DHPS: variants seen among roughly 807,000 people sequenced by gnomAD.
DHPS encodes deoxyhypusine synthase.
In DHPS, 24 loss-of-function variants were observed where a neutral mutation model predicts 38.7. The observed-to-expected ratio is 0.62, with a 90% CI of 0.45 to 0.87. The LOEUF (loss-of-function observed/expected upper bound fraction) is 0.87, where lower values mean the gene tolerates loss of function less well. Among genes scored for constraint, DHPS ranks in the 40% least tolerant of loss-of-function variants. DHPS has a pLI of 0.00. For missense variants in DHPS, 510 were observed against 497.6 expected, an observed-to-expected ratio of 1.02 and a Z score of -0.24; for synonymous variants, 250 against 204.4, an observed-to-expected ratio of 1.22 and a Z score of -1.90.
rs1364254523 is a variant in DHPS at position 12,675,944 on chromosome 19, G to A, written c.1015-11C>T. 3 of 1,603,000 alleles carry A rather than the reference G, an allele frequency of 1.9e-6. No homozygotes were observed. The highest frequency in any genetic ancestry group is 1.3e-5 in the African/African-American group (1 of 74,758). On this transcript the variant is annotated splice_polypyrimidine_tract_variant and intron_variant, in intron 8 of 8. Transcript: ENST00000210060. ...GGCGTCAGCATAGACCTGGGTAGGGGGGAACCTGGGTAAGCCATGGGACCC... is the reference window on the plus strand; with the variant it reads ...GGCGTCAGCATAGACCTGGGTAGGGAGGAACCTGGGTAAGCCATGGGACCC...
Position 12,681,839 on chromosome 19 carries a change from C to G in DHPS, c.-73G>C. 1.5e-6 allele frequency: 2 copies of G among 1,344,834 alleles called. No individual in the cohort carries two copies. The highest frequency in any genetic ancestry group is 1.2e-5 in the South Asian group (1 of 82,804). 83.3% of individuals were successfully genotyped at this position (1,344,834 alleles called of 1,614,324 possible). A position where few individuals can be genotyped will look rare whatever the true frequency, so the allele number is the denominator to read the frequency against. On this transcript the variant is annotated 5_prime_UTR_variant, in exon 1 of 9. Coordinates refer to ENST00000210060, the MANE Select transcript of DHPS (RefSeq NM_001930.4). ...ACGGCGGCCCAGAAACGCGTTAAAC[C>G]CCGACGCGCGCGTCTCCGCAAGAGC...
Position 12,675,795 on chromosome 19 carries a change from A to G in DHPS, c.*43T>C. The G allele has an allele frequency of 6.4e-7, 1 of 1,568,892 alleles. No homozygotes were observed. The highest frequency in any genetic ancestry group is 1.9e-5 in the Admixed American group (1 of 53,792). On this transcript the variant is annotated 3_prime_UTR_variant, in exon 9 of 9. Transcript: ENST00000210060. ...GGGGAGGGGCTGGGTCTGCAAATTAATAAATAGAAGAGGGGGTAAGACCTT... is the reference window on the plus strand; with the variant it reads ...GGGGAGGGGCTGGGTCTGCAAATTAGTAAATAGAAGAGGGGGTAAGACCTT...
At chr19:12,676,424 A>C in intron 7 of DHPS, 1 of 408,716 alleles carries the variant, frequency 2.4e-6, no homozygotes. Flanking sequence ...AGCCCTCCAA[A>C]TCCAACCACC....
chr19:12,677,007 G>A, intron 7 of DHPS, 101 bp downstream of exon 7: 1 of 1,108,488 alleles, frequency 9.0e-7, no homozygotes, highest in Non-Finnish European at 1.3e-6. Flanking sequence ...CCGGGGAGCA[G>A]GGATCCTGGC....
At chr19:12,676,771 T>C (rs74931365) in intron 7 of DHPS, 6,442 of 370,946 alleles carry the variant, frequency 0.017, 374 homozygotes, top group African/African-American at 0.12. Flanking sequence ...TCAATGCTAG[T>C]ACAGCAGCAC....
chr19:12,680,720 G>C (rs1189164136), intron 1 of DHPS, among the ~76,000 whole-genome samples: 2 of 148,208 alleles, frequency 1.3e-5, no homozygotes, highest in South Asian at 2.1e-4. Context: ...TTTTAGTAGA[G>C]ACGGGGTTTC....
rs889130063 is a variant in DHPS at position 12,678,800 on chromosome 19, A to C, written c.678+657T>G. Among the ~76,000 whole-genome samples the C allele has an allele frequency of 2.0e-3, 261 of 128,228 alleles. 1 individual carries two copies. The highest frequency in any genetic ancestry group is 4.8e-3 in the South Asian group (18 of 3,726). The allele number at this position is 128,228 out of a possible 152,430, so 84.1% of individuals were successfully genotyped here. On this transcript the variant is annotated intron_variant, in intron 5 of 8. Coordinates refer to ENST00000210060, the MANE Select transcript of DHPS (RefSeq NM_001930.4). ...AAAAAAAAAAAAAAAAAGACTATGT[A>C]GCTTTTTTTTTTTTTTTTTCAGGTT...
chr19:12,676,846 A>G, intron 7 of DHPS: 1 of 503,990 alleles, frequency 2.0e-6, no homozygotes, highest in Non-Finnish European at 3.6e-6. Context: ...CCCTGCTCCC[A>G]GCTCACACTT....
At chr19:12,675,477 G>A (rs1266704192), downstream of DHPS, 1 of 1,587,988 alleles carries the variant, frequency 6.3e-7, no homozygotes. Flanking sequence ...AGAAACCAGG[G>A]TACAGCCCAG....
At chr19:12,681,492 G>T (rs910416245) in intron 1 of DHPS, 68 bp downstream of exon 1, 1 of 1,566,096 alleles carries the variant, frequency 6.4e-7, no homozygotes. Flanking sequence ...CGCTGCCCCC[G>T]TCTAGTACCG....
At chr19:12,673,268 G>T (rs144664563), downstream of DHPS, 1 of 1,613,934 alleles carries the variant, frequency 6.2e-7, no homozygotes, top group Non-Finnish European at 8.5e-7. Context: ...ACACACATGT[G>T]GTCAGCTGTT....
In DHPS at chr19:12,680,233, G is replaced by A. The variant is rs1050613; in HGVS notation, c.300C>T (p.Phe100=). Residue 100 remains phenylalanine (F), a synonymous_variant, in exon 2 of 9, where the codon TTC becomes TTT. Coordinates refer to ENST00000210060, the MANE Select transcript of DHPS (RefSeq NM_001930.4). ...TGATGAGGTTGGATGTATATCCCAG[G>A]AAAATGGTGCAGCTGGTAAGTGGGC... ...SRRPLTSCTI[F]LGYTSNLISS... is the part of the protein sequence containing the mutation. 1.9e-6 allele frequency: 3 copies of A among 1,614,190 alleles called. No homozygotes were observed. The highest frequency in any genetic ancestry group is 2.5e-6 in the Non-Finnish European group (3 of 1,180,040).
In DHPS at chr19:12,679,578, CCT is replaced by C. The variant is rs141142544; in HGVS notation, c.592-37_592-36del. On this transcript the variant is annotated intron_variant, in intron 4 of 8. Coordinates refer to ENST00000210060, the MANE Select transcript of DHPS (RefSeq NM_001930.4). ...GATGTGACCTTCAGGCCATGCCTCC[CCT>C]GACTCCCACTGAACTGGCCCCTCCA... is the stretch of plus-strand genomic sequence containing the variant. 637 of 1,614,116 alleles carry C rather than the reference CCT, an allele frequency of 3.9e-4. 6 individuals carry two copies. In the African/African-American group the frequency reaches 7.4e-3, roughly 19 times the overall value.
chr19:12,680,047 G>C, intron 2 of DHPS, 114 bp downstream of exon 2: 2 of 1,551,772 alleles, frequency 1.3e-6, no homozygotes, highest in Non-Finnish European at 1.8e-6. Flanking sequence ...AACAAAACTT[G>C]ATTCTATTCC....
In DHPS at chr19:12,679,919, C is replaced by A; in HGVS notation, c.376G>T (p.Asp126Tyr). 6 of 1,611,566 alleles carry A rather than the reference C, an allele frequency of 3.7e-6. No homozygotes were observed. The highest frequency in any genetic ancestry group is 5.1e-6 in the Non-Finnish European group (6 of 1,178,628). ...IRYLVQHNMV[D>Y]VLVTTAGGVE... is the part of the protein sequence containing the mutation. ...CCGCCAGCTGTGGTCACCAATACGT[C>A]CACCTGCAGCCACAAGGCAGTGAAT... The change falls in exon 3 of 9, where the codon GAC (aspartate) becomes TAC (tyrosine). Residue 126 changes from aspartate to tyrosine, a missense_variant. Physicochemically the swap from Asp to Tyr is radical, Grantham distance 160. Coordinates refer to ENST00000210060, the MANE Select transcript of DHPS (RefSeq NM_001930.4).
chr19:12,681,768 C>T lies in DHPS; in HGVS notation c.-2G>A. On this transcript the variant is annotated 5_prime_UTR_variant, in exon 1 of 9. Coordinates refer to ENST00000210060, the MANE Select transcript of DHPS (RefSeq NM_001930.4). ...CTCCCGTTCCAGGGAACCTTCCATG[C>T]GCCTATAGCCGGCTCTCGAGTCAAA... The T allele has an allele frequency of 1.2e-6, 2 of 1,605,596 alleles. No homozygotes were observed. The highest frequency in any genetic ancestry group is 1.7e-6 in the Non-Finnish European group (2 of 1,179,184).
At chr19:12,679,407 A>G in intron 5 of DHPS, 50 bp downstream of exon 5, 1 of 1,544,270 alleles carries the variant, frequency 6.5e-7, no homozygotes, top group South Asian at 1.1e-5. Context: ...AGATGAAATA[A>G]GTTAACACAT....
chr19:12,681,164 T>C lies in DHPS; in HGVS notation c.207+396A>G, dbSNP rs2024796975. 7.1e-6 allele frequency: 9 copies of C among 1,269,460 alleles called. No homozygotes were observed. In the South Asian group the frequency reaches 1.2e-4, roughly 16 times the overall value. The allele number at this position is 1,269,460 out of a possible 1,614,324, so 78.6% of individuals were successfully genotyped here. A position where few individuals can be genotyped will look rare whatever the true frequency, so the allele number is the denominator to read the frequency against. ...ACCCTTTTAGGAATCAGAGAGCATCTCCTTTCAGATCCGGTCCCTTCCCCG... is the reference window on the plus strand; with the variant it reads ...ACCCTTTTAGGAATCAGAGAGCATCCCCTTTCAGATCCGGTCCCTTCCCCG... On this transcript the variant is annotated intron_variant, in intron 1 of 8. Transcript: ENST00000210060.
rs1031998126 is a variant in DHPS at position 12,679,347 on chromosome 19, A to G, written c.678+110T>C. On this transcript the variant is annotated intron_variant, in intron 5 of 8. Transcript: ENST00000210060. ...TATCTGTGTTTGAGTCTCCTCATCT[A>G]AGAGTGAGGATGCTGAGAATAACAG... 76 of 1,065,654 alleles carry G rather than the reference A, an allele frequency of 7.1e-5. No homozygotes were observed. In the South Asian group the frequency reaches 9.6e-4, roughly 14 times the overall value. The allele number at this position is 1,065,654 out of a possible 1,614,324, so 66.0% of individuals were successfully genotyped here.
Sources: allele counts gnomAD v4.1 joint callset (sites outside exome capture counted in the v4.1 genomes callset), GRCh38; gene constraint gnomAD v4.1.1; transcripts MANE v1.5; gene names NCBI Gene and HGNC (gene_info 2026-07-23, HGNC 2026-07-21).